MS4A6E: variants seen among roughly 807,000 people sequenced by gnomAD.
MS4A6E encodes the protein membrane spanning 4-domains A6E.
MS4A6E carries 8 observed loss-of-function variants against 13.2 expected under a neutral mutation model. The observed-to-expected ratio is 0.60, with a 90% CI of 0.35 to 1.09. The LOEUF (loss-of-function observed/expected upper bound fraction) is 1.09. MS4A6E is among the 50% of genes least tolerant of loss of function. The pLI, the probability that MS4A6E is intolerant of heterozygous loss-of-function variation, is 0.02. For missense variants in MS4A6E, 177 were observed against 171.1 expected, an observed-to-expected ratio of 1.03 and a Z score of -0.19; for synonymous variants, 72 against 67.6, an observed-to-expected ratio of 1.06 and a Z score of -0.32.
At chr11:60,334,780 G>T in intron 1 of MS4A6E, 102 bp from the exon 2 acceptor site, 1 of 1,274,486 alleles carries the variant, frequency 7.8e-7, no homozygotes, top group Non-Finnish European at 1.1e-6. Flanking sequence ...CTAACACACA[G>T]GCCAAGTCTG....
intron 2 of MS4A6E, 84 bp from the exon 3 acceptor site, chr11:60,337,657 A>T (rs1232271021): frequency 6.6e-7 from 1 of 1,511,988 alleles, no homozygotes; most frequent in African/African-American, 1.4e-5. Flanking sequence ...AGATAAGGGA[A>T]TAACTTGCAA....
downstream of MS4A6E, among the ~76,000 whole-genome samples, chr11:60,345,185 C>T (rs2085250357): frequency 6.6e-6 from 1 of 152,100 alleles, no homozygotes. Flanking sequence ...CCACCCGCCT[C>T]GGCCTCCCAA....
downstream of MS4A6E, among the ~76,000 whole-genome samples, chr11:60,346,175 TG>T (rs2085255591): frequency 2.0e-5 from 3 of 152,214 alleles, no homozygotes. Context: ...TGCTACAGTC[TG>T]GACAGGGTCA....
chr11:60,339,833 A>T, intron 3 of MS4A6E, 33 bp from the exon 4 acceptor site: 1 of 1,595,562 alleles, frequency 6.3e-7, no homozygotes, highest in Non-Finnish European at 8.6e-7. Flanking sequence ...GGCTGACCCA[A>T]GCATCACTGA....
intron 1 of MS4A6E, among the ~76,000 whole-genome samples, chr11:60,332,171 G>A (rs1344186919): frequency 6.6e-6 from 1 of 152,124 alleles, no homozygotes; most frequent in Non-Finnish European, 1.5e-5. Flanking sequence ...TGAATATTAT[G>A]TTTCAAAAAA....
At chr11:60,339,290 A>G (rs1286816447) in intron 3 of MS4A6E, among the ~76,000 whole-genome samples, 1 of 152,228 alleles carries the variant, frequency 6.6e-6, no homozygotes, top group African/African-American at 2.4e-5. Context: ...AAAATAAAAA[A>G]TAAACAACAA....
intron 1 of MS4A6E, among the ~76,000 whole-genome samples, chr11:60,333,216 A>G (rs1172939876): frequency 6.6e-6 from 1 of 151,136 alleles, no homozygotes; most frequent in African/African-American, 2.4e-5. Flanking sequence ...ATTACAAGAA[A>G]GATTAAAAGT....
downstream of MS4A6E, among the ~76,000 whole-genome samples, chr11:60,341,777 T>C (rs778008886): frequency 6.6e-6 from 1 of 152,202 alleles, no homozygotes; most frequent in Non-Finnish European, 1.5e-5. Context: ...CAGTCTCAAA[T>C]GGAACTGTCA....
intron 3 of MS4A6E, chr11:60,338,841 A>G (rs1034584949): frequency 1.2e-4 from 18 of 152,226 alleles, no homozygotes; most frequent in Admixed American, 2.6e-4. Flanking sequence ...CACCCATTAT[A>G]AACTGAGCCT....
In MS4A6E at chr11:60,339,887, G is replaced by A. The variant is rs1443017568; in HGVS notation, c.376G>A (p.Val126Ile). 3.7e-6 allele frequency: 6 copies of A among 1,613,716 alleles called. No homozygotes were observed. The highest frequency in any genetic ancestry group is 5.1e-6 in the Non-Finnish European group (6 of 1,179,818). Residue 126 changes from valine to isoleucine, a missense_variant, in exon 4 of 5, where the codon GTT becomes ATT. Physicochemically the swap from Val to Ile is conservative, Grantham distance 29. Coordinates refer to ENST00000684409, the MANE Select transcript of MS4A6E (RefSeq NM_139249.4). Reference sequence around the variant, plus strand: ...TCAGGGAACTCTGTCTCTGATGCTGGTTTCTACTGTGTTGGAGTTCTGCCT... The same window carrying A: ...TCAGGGAACTCTGTCTCTGATGCTGATTTCTACTGTGTTGGAGTTCTGCCT... ...SLAGTLSLML[V>I]STVLEFCLAV...
chr11:60,327,984 C>T (rs1320762624), intron 1 of MS4A6E, among the ~76,000 whole-genome samples: 3 of 139,200 alleles, frequency 2.2e-5, no homozygotes, highest in East Asian at 2.1e-4. Flanking sequence ...GAGCCAAGAT[C>T]GCACCACTAC....
At chr11:60,345,397 A>T (rs1164754657), downstream of MS4A6E, among the ~76,000 whole-genome samples, 2 of 152,208 alleles carry the variant, frequency 1.3e-5, no homozygotes, top group Non-Finnish European at 2.9e-5. Flanking sequence ...CAGTTCAGCT[A>T]ATTGACTGCT....
At chr11:60,342,685 A>C (rs1356882464), downstream of MS4A6E, among the ~76,000 whole-genome samples, 1 of 152,136 alleles carries the variant, frequency 6.6e-6, no homozygotes, top group Non-Finnish European at 1.5e-5. Context: ...GGTGACAAAG[A>C]AAAGGGAAGA....
chr11:60,342,144 AGTGTGT>A (rs757687887), downstream of MS4A6E, among the ~76,000 whole-genome samples: 5,271 of 125,596 alleles, frequency 0.042, 503 homozygotes, highest in African/African-American at 0.15. Context: ...AGGATAAACA[AGTGTGT>A]GTGTGTGTGT....
intron 1 of MS4A6E, 68 bp from the exon 2 acceptor site, chr11:60,334,814 A>C: frequency 7.2e-6 from 11 of 1,538,250 alleles, no homozygotes; most frequent in Non-Finnish European, 9.8e-6. Context: ...AAACTGACTT[A>C]CCAGTTTTGC....
At position 60,340,062 on chromosome 11, in the gene MS4A6E, T is replaced by G; in HGVS notation, c.*9+98T>G. ...CAAGAGTGGTAGAAGGAACAATCAG[T>G]CAGTCATGAGATACACATGGGAGGT... On this transcript the variant is annotated intron_variant, in intron 4 of 4. Transcript: ENST00000684409. 3 of 1,558,130 alleles carry G rather than the reference T, an allele frequency of 1.9e-6. No homozygotes were observed. The South Asian group carries it at 3.4e-5, about 18-fold the overall frequency.
chr11:60,341,398 A>C (rs1391102977), downstream of MS4A6E, among the ~76,000 whole-genome samples: 1 of 152,204 alleles, frequency 6.6e-6, no homozygotes, highest in Non-Finnish European at 1.5e-5. Context: ...CAACAATGAC[A>C]GACATAAACC....
Position 60,341,033 on chromosome 11 carries a change from C to T in MS4A6E, c.*267C>T, listed in dbSNP as rs997723115. 6.6e-5 allele frequency: 10 copies of T among 152,214 alleles called. No individual in the cohort carries two copies. The highest frequency in any genetic ancestry group is 2.4e-4 in the African/African-American group (10 of 41,466). 9.4% of individuals were successfully genotyped at this position (152,214 alleles called of 1,614,324 possible). On this transcript the variant is annotated 3_prime_UTR_variant, in exon 5 of 5. Transcript: ENST00000684409. ...TTGGTTTGCCTGATACTGACTTCAGCAAAAGCACAGGGCTGTAAATTACCA... is the reference window on the plus strand; with the variant it reads ...TTGGTTTGCCTGATACTGACTTCAGTAAAAGCACAGGGCTGTAAATTACCA...
chr11:60,328,145 G>C (rs2085131717), intron 1 of MS4A6E, among the ~76,000 whole-genome samples: 1 of 151,876 alleles, frequency 6.6e-6, no homozygotes, highest in African/African-American at 2.4e-5. Flanking sequence ...AGAACTTAAA[G>C]GCAATGAACT....
Sources: allele counts gnomAD v4.1 joint callset (sites outside exome capture counted in the v4.1 genomes callset), GRCh38; gene constraint gnomAD v4.1.1; transcripts MANE v1.5; gene names NCBI Gene and HGNC (gene_info 2026-07-23, HGNC 2026-07-21).